VPS13C: variants seen among roughly 807,000 people sequenced by gnomAD.
VPS13C encodes the protein intermembrane lipid transfer protein VPS13C.
A neutral mutation model predicts 456.8 loss-of-function variants in VPS13C; 358 were observed. The observed-to-expected ratio is 0.78, with a 90% CI of 0.72 to 0.86. VPS13C has a LOEUF of 0.86. Among genes scored for constraint, VPS13C ranks in the 40% least tolerant of loss-of-function variants. The pLI is 0.00. For synonymous variants in VPS13C, 1,578 were observed against 1,486.7 expected, an observed-to-expected ratio of 1.06 and a Z score of -1.41; for missense variants, 4,818 against 4,385.4, an observed-to-expected ratio of 1.10 and a Z score of -2.79.
At chr15:61,968,833 A>C (rs1187825623) in intron 28 of VPS13C, among the ~76,000 whole-genome samples, 1 of 152,156 alleles carries the variant, frequency 6.6e-6, no homozygotes, top group East Asian at 1.9e-4. Flanking sequence ...ATAACATATG[A>C]TCAGAGATAA....
In VPS13C at chr15:61,908,097, C is replaced by T. The variant is rs1025431481; in HGVS notation, c.8979-707G>A. ...CATCCAAAACCTACTGAGTCAAAAT[C>T]TGCATCTTAACAAGACTCCCAGGAG... On this transcript the variant is annotated intron_variant, in intron 65 of 84. Coordinates refer to ENST00000644861, the MANE Select transcript of VPS13C (RefSeq NM_020821.3). Among the ~76,000 whole-genome samples the T allele has an allele frequency of 6.6e-5, 10 of 152,256 alleles. No individual in the cohort carries two copies. The South Asian group carries it at 1.7e-3, about 25-fold the overall frequency.
intron 23 of VPS13C, among the ~76,000 whole-genome samples, chr15:61,978,023 A>G (rs575819608): frequency 1.7e-3 from 265 of 152,208 alleles, no homozygotes; most frequent in African/African-American, 6.0e-3. Context: ...TAATTAATAA[A>G]TATGTATTGC....
chr15:61,939,920 G>A (rs759629311), intron 47 of VPS13C, among the ~76,000 whole-genome samples: 1 of 151,412 alleles, frequency 6.6e-6, no homozygotes, highest in East Asian at 1.9e-4. Flanking sequence ...CTTGAACCCA[G>A]CTAGTGGAGG....
chr15:61,935,243 A>T (rs1386344807), intron 48 of VPS13C, among the ~76,000 whole-genome samples: 1 of 152,158 alleles, frequency 6.6e-6, no homozygotes, highest in Non-Finnish European at 1.5e-5. Flanking sequence ...GATCACACAG[A>T]CTGAATAGAT....
Position 61,974,390 on chromosome 15 carries a change from C to G in VPS13C, c.2436G>C (p.Leu812Phe), listed in dbSNP as rs1268797131. The G allele has an allele frequency of 6.2e-7, 1 of 1,612,320 alleles. No homozygotes were observed. Among genetic ancestry groups the G allele is most frequent in the African/African-American group, 1.3e-5 (1 of 74,842 alleles). The change falls in exon 25 of 85, where the codon TTG becomes TTC. Residue 812 changes from leucine to phenylalanine, a missense_variant. By Grantham distance (22) the Leu-to-Phe change is conservative. Coordinates refer to ENST00000644861, the MANE Select transcript of VPS13C (RefSeq NM_020821.3). ...ARFKVSGGLP[L>F]MHVRISDQKM... ...TCTGGTCAGAAATTCTCACATGCAT[C>G]AAAGGAAGTCCTCCTGACACTTTAA... is the stretch of plus-strand genomic sequence containing the variant.
At chr15:61,920,743 T>A in intron 55 of VPS13C, 96 bp from the exon 56 acceptor site, 1 of 1,112,556 alleles carries the variant, frequency 9.0e-7, no homozygotes. Context: ...GATCACTTTA[T>A]AGTAATGCTT....
intron 5 of VPS13C, among the ~76,000 whole-genome samples, chr15:62,031,420 G>T (rs1385738056): frequency 1.3e-5 from 2 of 151,846 alleles, no homozygotes; most frequent in Non-Finnish European, 2.9e-5. Flanking sequence ...ATAAAGGTCA[G>T]GGTTGTCCTC....
At chr15:62,049,848 T>G (rs927272288) in intron 1 of VPS13C, among the ~76,000 whole-genome samples, 19 of 152,192 alleles carry the variant, frequency 1.2e-4, no homozygotes, top group Non-Finnish European at 1.9e-4. Context: ...CTAGGTATTT[T>G]ATTCTCTTTG....
Position 61,911,851 on chromosome 15 carries a change from C to G in VPS13C, c.8704G>C (p.Ala2902Pro). The change falls in exon 63 of 85, where the codon GCT becomes CCT. Residue 2902 changes from alanine to proline, a missense_variant. Physicochemically the swap from Ala to Pro is conservative, Grantham distance 27. This residue lies in a region of VPS13C where 4,552 missense variants were observed against 4,130.6 expected (regional missense o/e 1.10). Coordinates refer to ENST00000644861, the MANE Select transcript of VPS13C (RefSeq NM_020821.3). ...AAGAAAAATGCTACCTCTGAAGAAG[C>G]AATATAGTTCCATTTATTAGTTGGC... is the stretch of plus-strand genomic sequence containing the variant. ...SMPTNKWNYIASSECLPFWPE... is the reference protein window; with the variant it reads ...SMPTNKWNYIPSSECLPFWPE... 1 of 1,600,576 alleles carries G rather than the reference C, an allele frequency of 6.2e-7. No individual in the cohort carries two copies. The highest frequency in any genetic ancestry group is 1.1e-5 in the South Asian group (1 of 87,618).
chr15:62,048,854 G>A (rs1213458841), intron 1 of VPS13C, among the ~76,000 whole-genome samples: 5 of 152,212 alleles, frequency 3.3e-5, no homozygotes, highest in African/African-American at 1.2e-4. Context: ...CTGATGGCCA[G>A]TGATGATGAG....
chr15:61,976,528 G>A (rs902836816), intron 24 of VPS13C, among the ~76,000 whole-genome samples: 4 of 151,948 alleles, frequency 2.6e-5, no homozygotes, highest in Non-Finnish European at 4.4e-5. Context: ...TACAAAGGGG[G>A]AACAAGGACA....
At chr15:61,964,188 T>C (rs1039932169) in intron 31 of VPS13C, among the ~76,000 whole-genome samples, 2 of 152,028 alleles carry the variant, frequency 1.3e-5, no homozygotes, top group Admixed American at 6.6e-5. Context: ...AATAAATAAA[T>C]AAGGACACTG....
At chr15:61,906,784 T>G (rs987831961) in intron 66 of VPS13C, 4 of 167,124 alleles carry the variant, frequency 2.4e-5, no homozygotes, top group Admixed American at 2.3e-4. Context: ...AAATAACATA[T>G]TTAATCAACT....
intron 79 of VPS13C, among the ~76,000 whole-genome samples, chr15:61,871,666 G>C (rs920603183): frequency 6.6e-6 from 1 of 151,986 alleles, no homozygotes; most frequent in African/African-American, 2.4e-5. Context: ...TTTTGATAAG[G>C]GTTGCACTGA....
chr15:62,012,670 C>A (rs1596475206), intron 11 of VPS13C, among the ~76,000 whole-genome samples: 1 of 151,672 alleles, frequency 6.6e-6, no homozygotes, highest in Non-Finnish European at 1.5e-5. Context: ...AAACATGTGT[C>A]AAAGATACAT....
chr15:61,855,947 A>C (rs1893878483), intron 83 of VPS13C, among the ~76,000 whole-genome samples: 1 of 152,054 alleles, frequency 6.6e-6, no homozygotes, highest in Non-Finnish European at 1.5e-5. Flanking sequence ...AAAAGAGGGA[A>C]TCTTTCCAGA....
chr15:61,937,972 G>C (rs1200985773), intron 47 of VPS13C, among the ~76,000 whole-genome samples: 1 of 152,070 alleles, frequency 6.6e-6, no homozygotes, highest in Non-Finnish European at 1.5e-5. Flanking sequence ...ATGCATGCAA[G>C]CACGCATGCA....
chr15:61,911,146 G>C (rs2043291077), intron 63 of VPS13C, among the ~76,000 whole-genome samples: 1 of 152,122 alleles, frequency 6.6e-6, no homozygotes, highest in South Asian at 2.1e-4. Flanking sequence ...CAGCTGGTTT[G>C]GTTGAAAATT....
At chr15:61,914,825 T>C (rs1596325306) in intron 61 of VPS13C, among the ~76,000 whole-genome samples, 1 of 134,184 alleles carries the variant, frequency 7.5e-6, no homozygotes, top group South Asian at 2.4e-4. Context: ...CCTCGCAAAG[T>C]GCTGGCTGGG....
Sources: gnomAD v4.1 joint callset for allele counts (sites outside exome capture counted in the v4.1 genomes callset) on GRCh38, gnomAD v4.1.1 for gene constraint, gnomAD v4.1.1 regional missense constraint, MANE v1.5 for transcripts, NCBI Gene and HGNC (gene_info 2026-07-23, HGNC 2026-07-21) for gene names.